Variants in RGS6 observed in about 807,000 individuals in gnomAD.
RGS6 encodes regulator of G-protein signaling 6.
RGS6 carries 30 observed loss-of-function variants against 78.5 expected under a neutral mutation model. That is an observed-to-expected ratio of 0.38 (90% confidence interval 0.29 to 0.52). The LOEUF is 0.52. RGS6 is among the 20% of genes least tolerant of loss of function. The pLI is 0.85. For synonymous variants in RGS6, 206 were observed against 206.0 expected (o/e 1.00, Z 0.00); for missense variants, 495 against 609.7 (o/e 0.81, Z 1.98).
intron 2 of RGS6, among the ~76,000 whole-genome samples, chr14:72,032,245 A>G (rs2091019957): frequency 2.0e-5 from 3 of 152,144 alleles, no homozygotes; most frequent in Admixed American, 2.0e-4. Flanking sequence ...GGCTTTTTCT[A>G]TATGTTTCCA....
intron 17 of RGS6, among the ~76,000 whole-genome samples, chr14:72,553,059 G>A (rs924051288): frequency 1.3e-5 from 2 of 152,288 alleles, no homozygotes; most frequent in Non-Finnish European, 1.5e-5. Flanking sequence ...CATGTGCACA[G>A]GTGTATACAC....
At chr14:72,572,200 G>A in the RGS6 span, among the ~76,000 whole-genome samples, 1 of 152,184 alleles carries the variant, frequency 6.6e-6, no homozygotes, top group African/African-American at 2.4e-5. Context: ...TGGTGGTAAT[G>A]TAAAATGCTG....
At chr14:72,455,622 T>C (rs1284965602) in intron 4 of RGS6, among the ~76,000 whole-genome samples, 1 of 152,230 alleles carries the variant, frequency 6.6e-6, no homozygotes, top group Non-Finnish European at 1.5e-5. Flanking sequence ...CCCCCTTGAT[T>C]AGTGGCTACT....
intron 1 of RGS6, 40 bp from the exon 2 acceptor site, chr14:71,964,732 T>C: frequency 7.1e-7 from 1 of 1,407,588 alleles, no homozygotes; most frequent in Admixed American, 2.0e-5. Context: ...CTTTATATAA[T>C]TCCTTCGTGA....
At chr14:71,986,596 A>G (rs755975417) in intron 2 of RGS6, among the ~76,000 whole-genome samples, 12 of 151,950 alleles carry the variant, frequency 7.9e-5, no homozygotes, top group Non-Finnish European at 1.6e-4. Context: ...TGTAATCCCA[A>G]CTACTCAGGA....
At chr14:72,392,007 A>C (rs1284406898) in intron 3 of RGS6, among the ~76,000 whole-genome samples, 1 of 151,994 alleles carries the variant, frequency 6.6e-6, no homozygotes, top group East Asian at 1.9e-4. Flanking sequence ...ATTGACGTTT[A>C]ACATCTTTTA....
At chr14:72,386,685 A>T (rs1311568614) in intron 3 of RGS6, among the ~76,000 whole-genome samples, 1 of 152,192 alleles carries the variant, frequency 6.6e-6, no homozygotes, top group Non-Finnish European at 1.5e-5. Flanking sequence ...GAGCCCCATG[A>T]TCCCTATCCC....
intron 2 of RGS6, among the ~76,000 whole-genome samples, chr14:72,059,509 T>C (rs1210633555): frequency 6.6e-6 from 1 of 152,180 alleles, no homozygotes; most frequent in Non-Finnish European, 1.5e-5. Context: ...ATATGGTAAC[T>C]GTTTTGTGTT....
chr14:72,245,707 T>G (rs2054057319), intron 2 of RGS6, among the ~76,000 whole-genome samples: 1 of 152,238 alleles, frequency 6.6e-6, no homozygotes, highest in East Asian at 1.9e-4. Flanking sequence ...TGGCCAGTTT[T>G]GGGGCCAGTT....
At chr14:72,232,869 C>G (rs2050007544) in intron 2 of RGS6, among the ~76,000 whole-genome samples, 1 of 152,146 alleles carries the variant, frequency 6.6e-6, no homozygotes, top group Non-Finnish European at 1.5e-5. Context: ...GATTGACTGC[C>G]CTGGGAGGGC....
intron 2 of RGS6, among the ~76,000 whole-genome samples, chr14:72,002,659 A>G (rs549013509): frequency 1.5e-4 from 23 of 152,276 alleles, no homozygotes; most frequent in African/African-American, 5.5e-4. Context: ...GACAATGATT[A>G]TGGAGGAGGC....
chr14:72,488,836 G>C (rs78664798), intron 12 of RGS6, among the ~76,000 whole-genome samples: 1 of 152,154 alleles, frequency 6.6e-6, no homozygotes, highest in Admixed American at 6.5e-5. Context: ...CCACTTCCCA[G>C]GTTGGAGATG....
intron 2 of RGS6, among the ~76,000 whole-genome samples, chr14:72,203,104 T>A (rs1371543060): frequency 6.6e-6 from 1 of 152,140 alleles, no homozygotes; most frequent in Non-Finnish European, 1.5e-5. Context: ...CTCGATCTCC[T>A]GACCTCATGA....
rs1433736230 is a variant in RGS6 at position 72,204,075 on chromosome 14, C to T, written c.85-148020C>T. Among the ~76,000 whole-genome samples, 4 of 152,232 alleles carry T rather than the reference C, an allele frequency of 2.6e-5. No homozygotes were observed. The East Asian group carries it at 5.8e-4, about 22-fold the overall frequency. On this transcript the variant is annotated intron_variant, in intron 2 of 17. Transcript: ENST00000553525. ...CTGACCTCCAGTGATCTGCCCACCT[C>T]GGCCTCCCAAAGTGCTGGGGTTACA...
intron 2 of RGS6, among the ~76,000 whole-genome samples, chr14:72,318,347 C>T (rs550353291): frequency 6.6e-6 from 1 of 152,226 alleles, no homozygotes; most frequent in South Asian, 2.1e-4. Flanking sequence ...ATGGTGCCCA[C>T]CCAGATTAAG....
intron 2 of RGS6, among the ~76,000 whole-genome samples, chr14:72,351,224 C>A (rs1308058490): frequency 6.6e-6 from 1 of 152,174 alleles, no homozygotes; most frequent in Non-Finnish European, 1.5e-5. Flanking sequence ...CAGTTGCTCT[C>A]CCTTCCCCAA....
intron 3 of RGS6, among the ~76,000 whole-genome samples, chr14:72,360,085 T>G (rs1480015772): frequency 6.6e-6 from 1 of 151,900 alleles, no homozygotes; most frequent in Non-Finnish European, 1.5e-5. Flanking sequence ...TAGAAATGAC[T>G]CAGTGGGGGT....
intron 2 of RGS6, among the ~76,000 whole-genome samples, chr14:72,155,508 T>A (rs138580346): frequency 1.3e-5 from 2 of 152,344 alleles, no homozygotes; most frequent in Non-Finnish European, 2.9e-5. Flanking sequence ...AATGCAATTG[T>A]GTCATTTCAG....
intron 2 of RGS6, among the ~76,000 whole-genome samples, chr14:71,979,222 A>G (rs1173826750): frequency 6.7e-6 from 1 of 148,360 alleles, no homozygotes; most frequent in Non-Finnish European, 1.5e-5. Context: ...CAGCTCCTGG[A>G]TTCATTAATT....
Sources: gnomAD v4.1 joint callset for allele counts (sites outside exome capture counted in the v4.1 genomes callset) on GRCh38, gnomAD v4.1.1 for gene constraint, MANE v1.5 for transcripts, NCBI Gene and HGNC (gene_info 2026-07-23, HGNC 2026-07-21) for gene names.